Variants in TIAM2 observed in about 807,000 individuals in gnomAD.
TIAM2 encodes rho guanine nucleotide exchange factor TIAM2.
TIAM2 carries 80 observed loss-of-function variants against 152.9 expected under a neutral mutation model. That is an observed-to-expected ratio of 0.52 (90% CI 0.44 to 0.63). The LOEUF is 0.63. Among genes scored for constraint, TIAM2 ranks in the 30% least tolerant of loss-of-function variants. The pLI, the probability that TIAM2 is intolerant of heterozygous loss-of-function variation, is 0.00. For missense variants in TIAM2, 1,965 were observed against 2,120.1 expected (o/e 0.93, Z 1.44); for synonymous variants, 804 against 838.0 (o/e 0.96, Z 0.70).
chr6:155,246,618 G>C (rs1262810929), intron 19 of TIAM2, among the ~76,000 whole-genome samples: 3 of 152,186 alleles, frequency 2.0e-5, no homozygotes, highest in Non-Finnish European at 4.4e-5. Flanking sequence ...TTATAGGCAT[G>C]AGCCACCACG....
At chr6:155,141,736 CA>C (rs1779712348) in intron 5 of TIAM2, among the ~76,000 whole-genome samples, 1 of 152,098 alleles carries the variant, frequency 6.6e-6, no homozygotes, top group South Asian at 2.1e-4. Flanking sequence ...TAGTCAGTGT[CA>C]GGGGAGGAGT....
intron 1 of TIAM2, among the ~76,000 whole-genome samples, chr6:155,040,299 C>T (rs904149990): frequency 6.6e-6 from 1 of 152,150 alleles, no homozygotes; most frequent in Non-Finnish European, 1.5e-5. Context: ...GGGAATTCTT[C>T]CATGTGGCTC....
chr6:155,163,840 T>C (rs1235533528), intron 7 of TIAM2, among the ~76,000 whole-genome samples: 1 of 152,236 alleles, frequency 6.6e-6, no homozygotes, highest in Non-Finnish European at 1.5e-5. Context: ...GTTTAGAGTG[T>C]TGGCATTCTC....
At chr6:155,148,434 C>G in intron 7 of TIAM2, 100 bp downstream of exon 7, 1 of 1,213,534 alleles carries the variant, frequency 8.2e-7, no homozygotes, top group Non-Finnish European at 1.2e-6. Flanking sequence ...TGGCTCACAT[C>G]TTGGTGGTAT....
At chr6:155,165,235 A>AT (rs753375602) in intron 8 of TIAM2, 28 bp from the exon 9 acceptor site, 144 of 1,586,376 alleles carry the variant, frequency 9.1e-5, no homozygotes, top group Middle Eastern at 5.0e-4. Flanking sequence ...AAGCCTTTAG[A>AT]TTTTTTTTAA....
Position 155,257,714 on chromosome 6 carries a change from A to ATAAG in TIAM2, c.*595_*598dup. On this transcript the variant is annotated 3_prime_UTR_variant, in exon 27 of 27. Coordinates refer to ENST00000682666, the MANE Select transcript of TIAM2 (RefSeq NM_012454.4). ...TGCCAAGCTGTATAGTAAAAGGAAAATAAGTCACATCTGGTCATTGGCATT... is the reference window on the plus strand; with the variant it reads ...TGCCAAGCTGTATAGTAAAAGGAAAATAAGTAAGTCACATCTGGTCATTGGCATT... 1 of 1,208,716 alleles carries ATAAG rather than the reference A, an allele frequency of 8.3e-7. No individual in the cohort carries two copies. The highest frequency in any genetic ancestry group is 1.5e-5 in the African/African-American group (1 of 65,820). The allele number at this position is 1,208,716 out of a possible 1,614,324, so 74.9% of individuals were successfully genotyped here.
intron 9 of TIAM2, among the ~76,000 whole-genome samples, chr6:155,173,199 G>GTC (rs56164997): frequency 0.036 from 5,327 of 149,686 alleles, 133 homozygotes; most frequent in African/African-American, 0.063. Context: ...GTGTGTGTGT[G>GTC]TGTCTGTCTG....
At chr6:155,075,939 A>C (rs1010235783) in intron 1 of TIAM2, among the ~76,000 whole-genome samples, 1 of 152,188 alleles carries the variant, frequency 6.6e-6, no homozygotes, top group Non-Finnish European at 1.5e-5. Flanking sequence ...CACTGAAAAA[A>C]TAACGTGTAG....
Position 154,996,751 on chromosome 6 carries a change from G to A in TIAM2, c.-209+1259G>A, listed in dbSNP as rs561164011. On this transcript the variant is annotated intron_variant, in intron 1 of 26. Transcript: ENST00000682666. ...CACTCTTAGAAGTATTTCCTGATGT[G>A]CTTAAGATTGTTATGTTTTAAAAAT... Among the ~76,000 whole-genome samples the A allele has an allele frequency of 1.7e-3, 265 of 152,282 alleles. 1 individual carries two copies. Among genetic ancestry groups the A allele is most frequent in the Admixed American group, 4.1e-3 (62 of 15,266 alleles).
intron 3 of TIAM2, among the ~76,000 whole-genome samples, chr6:155,127,921 A>G (rs1779334441): frequency 6.6e-6 from 1 of 152,206 alleles, no homozygotes; most frequent in South Asian, 2.1e-4. Context: ...AGTTCCAGCT[A>G]CTTGGGAGGC....
chr6:155,141,137 C>T (rs894684095), intron 5 of TIAM2, among the ~76,000 whole-genome samples: 1 of 152,204 alleles, frequency 6.6e-6, no homozygotes, highest in Non-Finnish European at 1.5e-5. Context: ...TTGTAAAACA[C>T]TTCAAGATCC....
Position 155,130,224 on chromosome 6 carries a change from C to G in TIAM2, c.1001C>G (p.Ser334Cys), listed in dbSNP as rs1488297517. ...CATGCCAGCCTGAGCAACCGTGTCT[C>G]TTTTGCTTCCGACATTGATGTGCCC... ...GTHASLSNRV[S>C]FASDIDVPSR... The change falls in exon 4 of 27, where the codon TCT (serine) becomes TGT (cysteine). Residue 334 changes from serine to cysteine, a missense_variant. Physicochemically the swap from Ser to Cys is moderately radical, Grantham distance 112 (BLOSUM62 -1). Around this residue, in one of 3 missense-constraint regions of TIAM2, gnomAD observed 1,025 missense variants for 1,119.4 expected, o/e 0.92. Transcript: ENST00000682666. 4.3e-6 allele frequency: 7 copies of G among 1,614,204 alleles called. No individual in the cohort carries two copies. Among genetic ancestry groups the G allele is most frequent in the Non-Finnish European group, 5.9e-6 (7 of 1,180,044 alleles).
At chr6:155,123,712 G>A (rs986806610) in intron 2 of TIAM2, among the ~76,000 whole-genome samples, 1 of 152,136 alleles carries the variant, frequency 6.6e-6, no homozygotes, top group African/African-American at 2.4e-5. Context: ...AGTTTTGTCC[G>A]CTGGTTTTGG....
intron 21 of TIAM2, chr6:155,250,543 C>T (rs758836720): frequency 4.2e-5 from 64 of 1,535,538 alleles, no homozygotes; most frequent in Non-Finnish European, 5.3e-5. Context: ...ATCAGCAGCC[C>T]GAATGGAGCT....
At chr6:155,146,044 T>C (rs775103454) in intron 6 of TIAM2, among the ~76,000 whole-genome samples, 1 of 152,172 alleles carries the variant, frequency 6.6e-6, no homozygotes, top group Non-Finnish European at 1.5e-5. Flanking sequence ...ATGGATTTCT[T>C]AGGGTCAAGT....
chr6:155,055,574 A>G (rs892339600), intron 1 of TIAM2, among the ~76,000 whole-genome samples: 5 of 152,210 alleles, frequency 3.3e-5, no homozygotes, highest in Non-Finnish European at 7.3e-5. Flanking sequence ...CTTAATGCAC[A>G]TGTTTAAACT....
Position 155,246,333 on chromosome 6 carries a change from C to A in TIAM2, c.3652+602C>A, listed in dbSNP as rs76901918. 7.2e-3 allele frequency among the ~76,000 whole-genome samples: 1,101 copies of A among 152,144 alleles called. 20 individuals carry two copies. The highest frequency in any genetic ancestry group is 0.025 in the African/African-American group (1,053 of 41,486). ...ATTTTAATCCAGAACGTCATGATAT[C>A]CCAGAAGAAAAGCCCCACATTTAAA... On this transcript the variant is annotated intron_variant, in intron 19 of 26. Coordinates refer to ENST00000682666, the MANE Select transcript of TIAM2 (RefSeq NM_012454.4).
intron 1 of TIAM2, among the ~76,000 whole-genome samples, chr6:155,077,542 T>C (rs1777987484): frequency 6.6e-6 from 1 of 152,202 alleles, no homozygotes; most frequent in Non-Finnish European, 1.5e-5. Flanking sequence ...TGAGTCATCT[T>C]GTTAGCCTTT....
intron 2 of TIAM2, among the ~76,000 whole-genome samples, chr6:155,094,492 AGTGGTTTCTGT>A (rs1229027337): frequency 1.3e-5 from 2 of 150,912 alleles, no homozygotes; most frequent in Non-Finnish European, 2.9e-5. Flanking sequence ...CTTGCAAACA[AGTGGTTTCTGT>A]GTCTTTAGAC....
Sources: allele counts gnomAD v4.1 joint callset (sites outside exome capture counted in the v4.1 genomes callset), GRCh38; gene constraint gnomAD v4.1.1; regional missense constraint gnomAD v4.1.1; transcripts MANE v1.5; gene names NCBI Gene and HGNC (gene_info 2026-07-23, HGNC 2026-07-21).